The following RNF220 variants were observed in gnomAD, a reference collection of about 807,000 sequenced individuals.
The protein encoded by RNF220 is E3 ubiquitin-protein ligase RNF220.
A neutral mutation model predicts 67.1 loss-of-function variants in RNF220; 7 were observed. That is an observed-to-expected ratio of 0.10 (90% CI 0.06 to 0.20). RNF220 has a LOEUF of 0.20. RNF220 is among the 10% of genes least tolerant of loss of function. RNF220 has a pLI of 1.00. For missense variants in RNF220, 565 were observed against 740.3 expected (o/e 0.76, Z 2.75); for synonymous variants, 270 against 283.2 (o/e 0.95, Z 0.47).
rs118119407 is a variant in RNF220, at chr1:44,420,489, A to G, written c.625+7767A>G. Among the ~76,000 whole-genome samples, 9 of 152,346 alleles carry G rather than the reference A, an allele frequency of 5.9e-5. No individual in the cohort carries two copies. The East Asian group carries it at 1.7e-3, about 29-fold the overall frequency. The stretch of plus-strand genomic sequence containing the variant: ...TCCCATTTAGGTGCCAGCTAATCCT[A>G]TATTGCTCTCATTTGACCTTGCTTC... On this transcript the variant is annotated intron_variant, in intron 2 of 14. Transcript: ENST00000361799.
chr1:44,423,119 C>T (rs1349247065), intron 2 of RNF220, among the ~76,000 whole-genome samples: 1 of 152,160 alleles, frequency 6.6e-6, no homozygotes, highest in Non-Finnish European at 1.5e-5. Context: ...ATATAACATG[C>T]CATGAGACTT....
intron 8 of RNF220, among the ~76,000 whole-genome samples, chr1:44,636,912 G>C (rs1009072638): frequency 1.3e-5 from 2 of 152,226 alleles, no homozygotes; most frequent in African/African-American, 4.8e-5. Context: ...GGGTGCCCAG[G>C]GTTAGTGACT....
chr1:44,441,075 C>A (rs1215574769), intron 2 of RNF220, among the ~76,000 whole-genome samples: 1 of 152,166 alleles, frequency 6.6e-6, no homozygotes, highest in East Asian at 1.9e-4. Flanking sequence ...TCACCTAGAA[C>A]CTGTTGTGAT....
At chr1:44,632,763 C>T (rs926610375) in intron 6 of RNF220, 4 of 318,352 alleles carry the variant, frequency 1.3e-5, no homozygotes, top group Admixed American at 1.2e-4. Flanking sequence ...AGTTTTTAAT[C>T]AGTGCCCAGT....
At chr1:44,464,000 G>C (rs879471356) in intron 2 of RNF220, among the ~76,000 whole-genome samples, 1 of 152,214 alleles carries the variant, frequency 6.6e-6, no homozygotes, top group Non-Finnish European at 1.5e-5. Context: ...CTCCTAATTG[G>C]TTCAGTTGGC....
intron 2 of RNF220, among the ~76,000 whole-genome samples, chr1:44,426,034 G>GT (rs2147851264): frequency 6.6e-6 from 1 of 152,286 alleles, no homozygotes; most frequent in South Asian, 2.1e-4. Flanking sequence ...TTTTGTGAAT[G>GT]TAAGTTGGCA....
intron 5 of RNF220, among the ~76,000 whole-genome samples, chr1:44,628,219 C>T (rs772960703): frequency 1.1e-4 from 16 of 152,244 alleles, no homozygotes; most frequent in Non-Finnish European, 2.1e-4. Flanking sequence ...ACTGCACTCA[C>T]GGCATGCGCC....
intron 2 of RNF220, among the ~76,000 whole-genome samples, chr1:44,504,018 TG>T (rs1658184345): frequency 6.6e-6 from 1 of 152,060 alleles, no homozygotes; most frequent in African/African-American, 2.4e-5. Flanking sequence ...CCCAGCTAAT[TG>T]TTTTTATTTT....
intron 2 of RNF220, among the ~76,000 whole-genome samples, chr1:44,473,032 G>A (rs951252913): frequency 6.6e-6 from 1 of 152,146 alleles, no homozygotes; most frequent in African/African-American, 2.4e-5. Flanking sequence ...GTTTTCCTGG[G>A]CTGTGAGGTG....
chr1:44,421,140 G>A (rs1430505435), intron 2 of RNF220, among the ~76,000 whole-genome samples: 1 of 152,158 alleles, frequency 6.6e-6, no homozygotes, highest in Non-Finnish European at 1.5e-5. Context: ...TTATTTAGAA[G>A]CAAGGTAATA....
intron 2 of RNF220, among the ~76,000 whole-genome samples, chr1:44,466,426 C>G (rs974970369): frequency 2.0e-5 from 3 of 152,190 alleles, no homozygotes; most frequent in African/African-American, 7.2e-5. Flanking sequence ...ACTTTGGCCC[C>G]CTCCCATGAA....
chr1:44,635,125 A>G, intron 6 of RNF220: 1 of 159,240 alleles, frequency 6.3e-6, no homozygotes, highest in African/African-American at 2.4e-5. Flanking sequence ...AGGCCAAGTC[A>G]GGCCATCGGA....
intron 2 of RNF220, among the ~76,000 whole-genome samples, chr1:44,428,792 G>A (rs888747938): frequency 2.0e-5 from 3 of 151,968 alleles, no homozygotes; most frequent in East Asian, 3.9e-4. Context: ...CTTCCTCTGC[G>A]TCTTAGCCCT....
At chr1:44,491,495 A>G (rs1656849742) in intron 2 of RNF220, among the ~76,000 whole-genome samples, 1 of 152,160 alleles carries the variant, frequency 6.6e-6, no homozygotes, top group African/African-American at 2.4e-5. Context: ...AACAAAAGCT[A>G]TATGATCATC....
intron 2 of RNF220, among the ~76,000 whole-genome samples, chr1:44,556,858 C>T (rs1663135863): frequency 6.6e-6 from 1 of 152,116 alleles, no homozygotes; most frequent in Admixed American, 6.5e-5. Flanking sequence ...CGCGCCCGGC[C>T]TCTTCCTGTT....
intron 8 of RNF220, among the ~76,000 whole-genome samples, chr1:44,640,656 C>G (rs1429497086): frequency 6.6e-6 from 1 of 152,222 alleles, no homozygotes; most frequent in East Asian, 1.9e-4. Flanking sequence ...CTCCCTGCCT[C>G]CACACTGGAT....
intron 1 of RNF220, among the ~76,000 whole-genome samples, chr1:44,406,657 G>A (rs1482828208): frequency 1.3e-5 from 2 of 152,142 alleles, no homozygotes; most frequent in Non-Finnish European, 2.9e-5. Context: ...CCCCGCCACC[G>A]CACTCCGGAG....
chr1:44,502,092 C>A (rs1045485435), intron 2 of RNF220, among the ~76,000 whole-genome samples: 1 of 125,058 alleles, frequency 8.0e-6, no homozygotes, highest in African/African-American at 3.0e-5. Context: ...CACACACACA[C>A]ACACACACTT....
At chr1:44,531,577 C>A (rs1052179360) in intron 2 of RNF220, among the ~76,000 whole-genome samples, 1 of 152,208 alleles carries the variant, frequency 6.6e-6, no homozygotes, top group African/African-American at 2.4e-5. Context: ...CAATGCCTGG[C>A]AGGTAGTGGG....
Sources: gnomAD v4.1 joint callset for allele counts (sites outside exome capture counted in the v4.1 genomes callset) on GRCh38, gnomAD v4.1.1 for gene constraint, MANE v1.5 for transcripts, NCBI Gene and HGNC (gene_info 2026-07-23, HGNC 2026-07-21) for gene names.